Variants in SUSD6 observed in about 807,000 individuals in gnomAD.
The protein encoded by SUSD6 is sushi domain-containing protein 6.
In SUSD6, 16 loss-of-function variants were observed where a neutral mutation model predicts 28.4. That is an observed-to-expected ratio of 0.56 (90% CI 0.38 to 0.86). SUSD6 has a LOEUF of 0.86. Among genes scored for constraint, SUSD6 ranks in the 40% least tolerant of loss-of-function variants. The pLI is 0.00. For synonymous variants in SUSD6, 147 were observed against 159.6 expected (o/e 0.92, Z 0.59); for missense variants, 341 against 384.2 (o/e 0.89, Z 0.94).
chr14:69,670,315 G>A (rs1407586996), intron 2 of SUSD6: 2 of 407,650 alleles, frequency 4.9e-6, no homozygotes, highest in Non-Finnish European at 1.0e-5. Context: ...TTATTCCACA[G>A]GTACTCGTTG....
intron 2 of SUSD6, among the ~76,000 whole-genome samples, chr14:69,702,959 C>T (rs190654781): frequency 1.6e-4 from 25 of 152,202 alleles, no homozygotes; most frequent in Non-Finnish European, 3.2e-4. Flanking sequence ...CAAGAGTGCA[C>T]GTTTTTATTA....
intron 2 of SUSD6, among the ~76,000 whole-genome samples, chr14:69,665,737 C>T (rs1214135142): frequency 2.0e-5 from 3 of 152,188 alleles, no homozygotes; most frequent in Non-Finnish European, 2.9e-5. Context: ...TGCTTCAACT[C>T]TTCACCTTGT....
chr14:69,632,513 A>G (rs1212664213), intron 1 of SUSD6, among the ~76,000 whole-genome samples: 2 of 152,036 alleles, frequency 1.3e-5, no homozygotes, highest in African/African-American at 4.8e-5. Flanking sequence ...TGCCAGTAAA[A>G]CTTCAGTGCA....
intron 1 of SUSD6, chr14:69,617,327 C>T (rs1351294458): frequency 2.0e-5 from 3 of 152,156 alleles, no homozygotes; most frequent in Non-Finnish European, 4.4e-5. Context: ...CCATCCATAT[C>T]TCTACTTTGT....
chr14:69,689,967 T>G (rs150913701), intron 2 of SUSD6, among the ~76,000 whole-genome samples: 548 of 152,318 alleles, frequency 3.6e-3, no homozygotes, highest in Non-Finnish European at 4.7e-3. Context: ...TGCCCGTGTT[T>G]TTTTACTCTC....
intron 2 of SUSD6, among the ~76,000 whole-genome samples, chr14:69,686,286 G>C (rs1405818030): frequency 6.6e-6 from 1 of 152,176 alleles, no homozygotes; most frequent in Non-Finnish European, 1.5e-5. Context: ...CTAAAAGGCA[G>C]GCTATAATTA....
intron 1 of SUSD6, among the ~76,000 whole-genome samples, chr14:69,652,874 C>T (rs992541216): frequency 2.6e-5 from 4 of 152,176 alleles, no homozygotes; most frequent in Non-Finnish European, 5.9e-5. Flanking sequence ...TACCAGAAGC[C>T]CACCGTGCGT....
chr14:69,642,984 C>G (rs1885375811), intron 1 of SUSD6, among the ~76,000 whole-genome samples: 1 of 152,176 alleles, frequency 6.6e-6, no homozygotes, highest in South Asian at 2.1e-4. Context: ...ATTTCCAACT[C>G]TGTTTTTTCA....
intron 1 of SUSD6, among the ~76,000 whole-genome samples, chr14:69,637,550 G>A (rs1000063142): frequency 1.3e-5 from 2 of 152,218 alleles, no homozygotes; most frequent in African/African-American, 4.8e-5. Flanking sequence ...TCTGAGCTGT[G>A]TGTGGGTGCT....
chr14:69,654,504 G>T (rs1390119215), intron 1 of SUSD6, among the ~76,000 whole-genome samples: 1 of 152,168 alleles, frequency 6.6e-6, no homozygotes, highest in Non-Finnish European at 1.5e-5. Flanking sequence ...CCCTTGTGCT[G>T]AGCCCCTAAA....
chr14:69,699,931 C>T (rs1476310604), intron 2 of SUSD6, among the ~76,000 whole-genome samples: 1 of 152,118 alleles, frequency 6.6e-6, no homozygotes, highest in Non-Finnish European at 1.5e-5. Flanking sequence ...TTGGTTGGAC[C>T]ATGTGTGCCA....
chr14:69,664,500 TTACCTGTGACTATAAAA>T, intron 2 of SUSD6, among the ~76,000 whole-genome samples: 1 of 152,290 alleles, frequency 6.6e-6, no homozygotes, highest in African/African-American at 2.4e-5. Flanking sequence ...CATGGTGTAA[TTACCTGTGACTATAAAA>T]AAAACTTAGA....
intron 2 of SUSD6, among the ~76,000 whole-genome samples, chr14:69,660,010 C>T (rs1462738668): frequency 6.6e-6 from 1 of 152,158 alleles, no homozygotes; most frequent in Non-Finnish European, 1.5e-5. Flanking sequence ...ATTGAACTCA[C>T]CAATACTGGT....
At chr14:69,632,414 A>C (rs961068261) in intron 1 of SUSD6, among the ~76,000 whole-genome samples, 1 of 152,142 alleles carries the variant, frequency 6.6e-6, no homozygotes, top group Non-Finnish European at 1.5e-5. Context: ...CTAGAAGGGG[A>C]AAACTCATCG....
intron 1 of SUSD6, among the ~76,000 whole-genome samples, chr14:69,643,924 A>C (rs566041376): frequency 1.3e-5 from 2 of 152,316 alleles, no homozygotes; most frequent in African/African-American, 4.8e-5. Context: ...TCCAGAGACT[A>C]TGTACTATTC....
chr14:69,678,733 G>A (rs2139629190), intron 2 of SUSD6, among the ~76,000 whole-genome samples: 1 of 152,250 alleles, frequency 6.6e-6, no homozygotes, highest in Non-Finnish European at 1.5e-5. Context: ...AGTCCCGGAG[G>A]CCAAGGTTGC....
rs1003713074 is a variant in SUSD6 at position 69,693,481 on chromosome 14, A to G, written c.122-9914A>G. Among the ~76,000 whole-genome samples, 4 of 152,104 alleles carry G rather than the reference A, an allele frequency of 2.6e-5. No homozygotes were observed. In the East Asian group the frequency reaches 5.8e-4, roughly 22 times the overall value. ...AACTGGAACAAGGAGAGAGCAAACA[A>G]CACCCCCCAAAGTGCTTATCCTGCT... is the stretch of plus-strand genomic sequence containing the variant. On this transcript the variant is annotated intron_variant, in intron 2 of 5. Coordinates refer to ENST00000342745, the MANE Select transcript of SUSD6 (RefSeq NM_014734.4).
At chr14:69,680,746 T>C (rs935781003) in intron 2 of SUSD6, among the ~76,000 whole-genome samples, 3 of 152,200 alleles carry the variant, frequency 2.0e-5, no homozygotes, top group Non-Finnish European at 4.4e-5. Flanking sequence ...TGCTGTTCCC[T>C]CCAACTCAAA....
At chr14:69,646,575 C>A (rs1290557229) in intron 1 of SUSD6, among the ~76,000 whole-genome samples, 2 of 152,082 alleles carry the variant, frequency 1.3e-5, no homozygotes, top group Non-Finnish European at 2.9e-5. Flanking sequence ...AAAGAATAAT[C>A]TGAATGAAAT....
Sources: gnomAD v4.1 joint callset for allele counts (sites outside exome capture counted in the v4.1 genomes callset) on GRCh38, gnomAD v4.1.1 for gene constraint, MANE v1.5 for transcripts, NCBI Gene and HGNC (gene_info 2026-07-23, HGNC 2026-07-21) for gene names.